The following TRANK1 variants were observed in gnomAD, a reference collection of about 807,000 sequenced individuals.
TRANK1 encodes the protein TPR and ankyrin repeat-containing protein 1.
A neutral mutation model predicts 266.0 loss-of-function variants in TRANK1; 198 were observed. That is an observed-to-expected ratio of 0.74 (90% CI 0.66 to 0.84). The LOEUF (loss-of-function observed/expected upper bound fraction) is 0.84. Among genes scored for constraint, TRANK1 ranks in the 40% least tolerant of loss-of-function variants. The pLI is 0.00. For missense variants in TRANK1, 3,326 were observed against 3,634.6 expected (o/e 0.92, Z 2.18); for synonymous variants, 1,396 against 1,384.1 (o/e 1.01, Z -0.19).
rs1427487385 is a variant in TRANK1, at chr3:36,828,196, T to C, written c.*79A>G. ...TTAAAATGCTAATTCACATTCTTTT[T>C]GTCTTCTGCCCCAGCGCTCAGAATT... On this transcript the variant is annotated 3_prime_UTR_variant, in exon 24 of 24. Transcript: ENST00000645898. 9.7e-7 allele frequency: 1 copy of C among 1,033,326 alleles called. No homozygotes were observed. The highest frequency in any genetic ancestry group is 1.5e-6 in the Non-Finnish European group (1 of 682,910). 64.0% of individuals were successfully genotyped at this position (1,033,326 alleles called of 1,614,324 possible). A position where few individuals can be genotyped will look rare whatever the true frequency, so the allele number is the denominator to read the frequency against.
At position 36,846,506 on chromosome 3, in the gene TRANK1, T is replaced by C. The variant is rs895354777; in HGVS notation, c.5035-102A>G. The stretch of plus-strand genomic sequence containing the variant: ...TCTAATTTTGGAAAAACACAAAAAC[T>C]AAATTTTAGAGAAGCATAGCACAGC... On this transcript the variant is annotated intron_variant, in intron 16 of 23. Coordinates refer to ENST00000645898, the MANE Select transcript of TRANK1 (RefSeq NM_001329998.2). The C allele has an allele frequency of 9.9e-6, 12 of 1,212,026 alleles. No homozygotes were observed. The African/African-American group carries it at 1.8e-4, about 19-fold the overall frequency. 75.1% of individuals were successfully genotyped at this position (1,212,026 alleles called of 1,614,324 possible).
At chr3:36,919,117 C>G (rs946692808) in intron 1 of TRANK1, among the ~76,000 whole-genome samples, 2 of 152,174 alleles carry the variant, frequency 1.3e-5, no homozygotes, top group African/African-American at 4.8e-5. Flanking sequence ...TCTGTCATAT[C>G]CCATTATCTT....
rs1452056786 is a variant in TRANK1, at chr3:36,866,018, CAGAA to C, written c.1079-1542_1079-1539del. On this transcript the variant is annotated intron_variant, in intron 9 of 23. Transcript: ENST00000645898. ...AGAAAGAGAAAGAGAGAGAGACAGA[CAGAA>C]AGAAAGAGAGAGAGAGACAGACAGA... 1.7e-4 allele frequency among the ~76,000 whole-genome samples: 21 copies of C among 125,222 alleles called. No homozygotes were observed. The South Asian group carries it at 1.8e-3, about 11-fold the overall frequency. 82.2% of individuals were successfully genotyped at this position (125,222 alleles called of 152,430 possible).
intron 1 of TRANK1, among the ~76,000 whole-genome samples, chr3:36,937,594 A>G (rs1447219747): frequency 2.0e-5 from 3 of 152,246 alleles, no homozygotes; most frequent in Non-Finnish European, 4.4e-5. Flanking sequence ...ACTAAAATCA[A>G]ATTCCTGCAA....
rs547491436 is a variant in TRANK1, at chr3:36,837,749, C to T, written c.5517+623G>A. 7.2e-5 allele frequency among the ~76,000 whole-genome samples: 11 copies of T among 152,340 alleles called. No individual in the cohort carries two copies. The South Asian group carries it at 2.3e-3, about 32-fold the overall frequency. On this transcript the variant is annotated intron_variant, in intron 20 of 23. Coordinates refer to ENST00000645898, the MANE Select transcript of TRANK1 (RefSeq NM_001329998.2). ...GCTGCAGACAAATAATAGTTTGTAG[C>T]CTGCTGACCACTCTGTGAGTAGCTG...
At chr3:36,838,078 T>C (rs907124002) in intron 20 of TRANK1, among the ~76,000 whole-genome samples, 1 of 152,170 alleles carries the variant, frequency 6.6e-6, no homozygotes, top group African/African-American at 2.4e-5. Context: ...AAAACCCTTC[T>C]GCCCTTTGGC....
chr3:36,834,673 A>G, intron 21 of TRANK1, 89 bp downstream of exon 21: 1 of 1,447,252 alleles, frequency 6.9e-7, no homozygotes, highest in Non-Finnish European at 9.2e-7. Context: ...CCATGTCAGA[A>G]GCAGCAGGAT....
intron 9 of TRANK1, 124 bp from the exon 10 acceptor site, chr3:36,864,604 C>CACT: frequency 4.5e-6 from 4 of 879,440 alleles, no homozygotes; most frequent in Non-Finnish European, 6.4e-6. Context: ...CTTGCTGCTC[C>CACT]TCTCATCAAG....
intron 1 of TRANK1, among the ~76,000 whole-genome samples, chr3:36,913,768 T>C (rs940801305): frequency 6.6e-6 from 1 of 152,122 alleles, no homozygotes; most frequent in Non-Finnish European, 1.5e-5. Flanking sequence ...AAGTCTTCCC[T>C]ACCCAGGGCA....
rs909662838 is a variant in TRANK1, at chr3:36,908,457, G to A, written c.24-3C>T. On this transcript the variant is annotated splice_region_variant and splice_polypyrimidine_tract_variant and intron_variant, in intron 1 of 23. Transcript: ENST00000645898. ...CAGCGTAAGCTGTCAGGTCCATCCT[G>A]TGAGGAGACGGGGGAGACGCTTGCT... 37 of 1,232,098 alleles carry A rather than the reference G, an allele frequency of 3.0e-5. No homozygotes were observed. The South Asian group carries it at 8.6e-4, about 29-fold the overall frequency. 76.3% of individuals were successfully genotyped at this position (1,232,098 alleles called of 1,614,324 possible).
At chr3:36,938,199 TTTTG>T (rs959583580) in intron 1 of TRANK1, among the ~76,000 whole-genome samples, 21 of 151,858 alleles carry the variant, frequency 1.4e-4, no homozygotes, top group Middle Eastern at 3.4e-3. Context: ...CTCTGGGTTT[TTTTG>T]TTTGTTTGTT....
rs1322300101 is a variant in TRANK1, at chr3:36,879,785, TGTAAATATATA to T, written c.908-5500_908-5490del. Reference sequence around the variant, plus strand: ...AAATATATATAAATATATATAAATATGTAAATATATAAATATACAAATATATGTAAATATAC... The same window carrying T: ...AAATATATATAAATATATATAAATATAATATACAAATATATGTAAATATAC... On this transcript the variant is annotated intron_variant, in intron 8 of 23. Coordinates refer to ENST00000645898, the MANE Select transcript of TRANK1 (RefSeq NM_001329998.2). 2.2e-3 allele frequency among the ~76,000 whole-genome samples: 183 copies of T among 83,828 alleles called. 35 individuals are homozygous for T. Among genetic ancestry groups the T allele is most frequent in the South Asian group, 4.9e-3 (15 of 3,054 alleles). The allele number at this position is 83,828 out of a possible 152,430, so 55.0% of individuals were successfully genotyped here. A position where few individuals can be genotyped will look rare whatever the true frequency, so the allele number is the denominator to read the frequency against.
intron 13 of TRANK1, among the ~76,000 whole-genome samples, chr3:36,854,233 G>A (rs563833568): frequency 4.5e-4 from 69 of 152,156 alleles, no homozygotes; most frequent in Non-Finnish European, 6.9e-4. Context: ...GGTGGCAGGC[G>A]CCTGTAGTCC....
chr3:36,864,862 A>T (rs2079191713), intron 9 of TRANK1, among the ~76,000 whole-genome samples: 1 of 152,078 alleles, frequency 6.6e-6, no homozygotes, highest in Admixed American at 6.6e-5. Context: ...CCAAACTGAG[A>T]CCCTATAGAT....
intron 1 of TRANK1, among the ~76,000 whole-genome samples, chr3:36,944,157 G>A (rs1354178438): frequency 6.6e-6 from 1 of 152,150 alleles, no homozygotes; most frequent in Non-Finnish European, 1.5e-5. Context: ...GGCTTCTAAG[G>A]GCTCCGCTTC....
chr3:36,843,555 G>A (rs746166931), intron 17 of TRANK1, among the ~76,000 whole-genome samples: 2 of 152,092 alleles, frequency 1.3e-5, no homozygotes, highest in Non-Finnish European at 2.9e-5. Context: ...TAGCCTGCTG[G>A]TGACTATTTC....
intron 2 of TRANK1, among the ~76,000 whole-genome samples, chr3:36,904,458 T>A (rs2079931796): frequency 6.6e-6 from 1 of 151,544 alleles, no homozygotes; most frequent in Non-Finnish European, 1.5e-5. Flanking sequence ...AGGAGGAGAT[T>A]TCAGTGAGCC....
intron 1 of TRANK1, among the ~76,000 whole-genome samples, chr3:36,922,546 A>C (rs1007630694): frequency 1.3e-5 from 2 of 151,888 alleles, no homozygotes; most frequent in African/African-American, 2.4e-5. Flanking sequence ...TGGAGGTTGC[A>C]GTGAGCCGAG....
intron 8 of TRANK1, among the ~76,000 whole-genome samples, chr3:36,879,220 A>C (rs1383572600): frequency 2.0e-5 from 3 of 151,962 alleles, no homozygotes; most frequent in Non-Finnish European, 4.4e-5. Context: ...AAACAAAACA[A>C]CCAGAATGAT....
Sources: gnomAD v4.1 joint callset for allele counts (sites outside exome capture counted in the v4.1 genomes callset) on GRCh38, gnomAD v4.1.1 for gene constraint, MANE v1.5 for transcripts, NCBI Gene and HGNC (gene_info 2026-07-23, HGNC 2026-07-21) for gene names.